SPECC1L: variants seen among roughly 807,000 people sequenced by gnomAD.
The protein encoded by SPECC1L is sperm antigen with calponin homology and coiled-coil domains 1 like.
SPECC1L carries 40 observed loss-of-function variants against 116.8 expected under a neutral mutation model. The ratio of observed to expected loss-of-function variants is 0.34; its 90% confidence interval spans 0.27 to 0.45. The LOEUF (loss-of-function observed/expected upper bound fraction) is 0.45. Among genes scored for constraint, SPECC1L ranks in the 20% least tolerant of loss-of-function variants. The probability of loss-of-function intolerance (pLI) is 1.00; values close to 1 mark genes in which losing one functional copy is unlikely to be tolerated. For missense variants in SPECC1L, 1,110 were observed against 1,373.6 expected, an observed-to-expected ratio of 0.81 and a Z score of 3.03; for synonymous variants, 504 against 500.6, an observed-to-expected ratio of 1.01 and a Z score of -0.09.
chr22:24,322,862 G>A lies in SPECC1L; in HGVS notation c.1882G>A (p.Glu628Lys). Reference sequence around the variant, plus strand: ...AGAGACTTTGGCTAGTAGCTTGCAGGAAGATCTGGCTCATACCCGAAATGA... The same window carrying A: ...AGAGACTTTGGCTAGTAGCTTGCAGAAAGATCTGGCTCATACCCGAAATGA... ...KAETLASSLQ[E>K]DLAHTRNDAN... is the part of the protein sequence containing the mutation. The change falls in exon 5 of 17, where the codon GAA becomes AAA. Residue 628 changes from glutamate to lysine, a missense_variant. Physicochemically the swap from Glu to Lys is moderately conservative, Grantham distance 56. Around this residue, in one of 4 missense-constraint regions of SPECC1L, gnomAD observed 575 missense variants for 682.4 expected, o/e 0.84. Coordinates refer to ENST00000314328, the MANE Select transcript of SPECC1L (RefSeq NM_015330.6). The A allele has an allele frequency of 6.2e-7, 1 of 1,613,604 alleles. No homozygotes were observed. Among genetic ancestry groups the A allele is most frequent in the Non-Finnish European group, 8.5e-7 (1 of 1,179,756 alleles).
At chr22:24,302,162 T>G in intron 2 of SPECC1L, 33 bp from the exon 3 acceptor site, 1 of 1,506,092 alleles carries the variant, frequency 6.6e-7, no homozygotes, top group Non-Finnish European at 9.2e-7. Context: ...CTTCCAGTTA[T>G]GTTCTCAGTG....
chr22:24,355,956 C>A (rs1349393541), intron 11 of SPECC1L, among the ~76,000 whole-genome samples: 1 of 152,096 alleles, frequency 6.6e-6, no homozygotes, highest in Non-Finnish European at 1.5e-5. Flanking sequence ...TCCATCACCC[C>A]CAAAATTCCT....
chr22:24,385,062 CAA>C (rs36080329), intron 14 of SPECC1L, among the ~76,000 whole-genome samples: 5 of 78,020 alleles, frequency 6.4e-5, no homozygotes, highest in Admixed American at 1.4e-4. Flanking sequence ...AACTCCGTCT[CAA>C]AAAAAAAAAA....
At chr22:24,295,130 T>C (rs1199379900) in intron 2 of SPECC1L, among the ~76,000 whole-genome samples, 1 of 151,016 alleles carries the variant, frequency 6.6e-6, no homozygotes, top group Non-Finnish European at 1.5e-5. Context: ...CTGTGAACCC[T>C]GTCCTGAGGA....
chr22:24,292,961 A>G (rs986779881), intron 2 of SPECC1L, among the ~76,000 whole-genome samples: 2 of 152,272 alleles, frequency 1.3e-5, no homozygotes, highest in African/African-American at 4.8e-5. Context: ...TTTAGAATAC[A>G]GATTACACAG....
chr22:24,321,488 A>G lies in SPECC1L; in HGVS notation c.508A>G (p.Lys170Glu), dbSNP rs200634676. 36 of 1,614,146 alleles carry G rather than the reference A, an allele frequency of 2.2e-5. No individual in the cohort carries two copies. Among genetic ancestry groups the G allele is most frequent in the Non-Finnish European group, 2.9e-5 (34 of 1,180,044 alleles). The change falls in exon 5 of 17, where the codon AAG becomes GAG. Residue 170 changes from lysine (K) to glutamate (E), a missense_variant. Physicochemically the swap from Lys to Glu is moderately conservative, Grantham distance 56. Transcript: ENST00000314328. ...TECDVRMSKS[K>E]SDNQISDRAA... ...ATGTGACGTTCGTATGAGCAAGTCTAAGTCAGACAATCAGATCAGTGACAG... is the reference window on the plus strand; with the variant it reads ...ATGTGACGTTCGTATGAGCAAGTCTGAGTCAGACAATCAGATCAGTGACAG...
At chr22:24,407,462 C>T (rs1003584846) in intron 14 of SPECC1L, among the ~76,000 whole-genome samples, 5 of 152,146 alleles carry the variant, frequency 3.3e-5, no homozygotes, top group African/African-American at 7.2e-5. Flanking sequence ...GCCTCTGCCT[C>T]GAGGCGCTGT....
intron 4 of SPECC1L, among the ~76,000 whole-genome samples, chr22:24,313,679 C>T (rs1341774552): frequency 6.6e-6 from 1 of 151,914 alleles, no homozygotes; most frequent in Non-Finnish European, 1.5e-5. Context: ...TATTTTGAAG[C>T]AGATTCTGGA....
At chr22:24,348,726 C>T (rs1249173894) in intron 11 of SPECC1L, among the ~76,000 whole-genome samples, 1 of 152,230 alleles carries the variant, frequency 6.6e-6, no homozygotes, top group East Asian at 1.9e-4. Flanking sequence ...GCACAGAGAT[C>T]TTGGCCTTGC....
intron 9 of SPECC1L, among the ~76,000 whole-genome samples, chr22:24,336,096 A>G (rs899193859): frequency 5.9e-5 from 9 of 152,108 alleles, no homozygotes; most frequent in African/African-American, 2.2e-4. Flanking sequence ...GTTATGACCA[A>G]TTAATACAGT....
chr22:24,277,372 T>G (rs1003562918), intron 2 of SPECC1L, among the ~76,000 whole-genome samples: 3 of 152,248 alleles, frequency 2.0e-5, no homozygotes, highest in African/African-American at 7.2e-5. Flanking sequence ...ATCACAGGTT[T>G]ATGGAGATAT....
At chr22:24,288,272 C>T (rs1389834194) in intron 2 of SPECC1L, among the ~76,000 whole-genome samples, 16 of 152,106 alleles carry the variant, frequency 1.1e-4, no homozygotes. Flanking sequence ...TCGTGGGGGG[C>T]TGTCCAGTGT....
Position 24,416,813 on chromosome 22 carries a change from C to T in SPECC1L, c.*2190C>T, listed in dbSNP as rs1228203244. ...ATCTGTGTTTTCCCTCTGGGAGTCT[C>T]ATGGGTCCAGCATCAGGCCTGAGGT... On this transcript the variant is annotated 3_prime_UTR_variant, in exon 17 of 17. Transcript: ENST00000314328. 3 of 152,292 alleles carry T rather than the reference C, an allele frequency of 2.0e-5. No individual in the cohort carries two copies. Among genetic ancestry groups the T allele is most frequent in the Admixed American group, 6.5e-5 (1 of 15,284 alleles). The allele number at this position is 152,292 out of a possible 1,614,324, so 9.4% of individuals were successfully genotyped here. A position where few individuals can be genotyped will look rare whatever the true frequency, so the allele number is the denominator to read the frequency against.
intron 14 of SPECC1L, among the ~76,000 whole-genome samples, chr22:24,377,185 A>G (rs1361983134): frequency 6.6e-6 from 1 of 152,162 alleles, no homozygotes; most frequent in Non-Finnish European, 1.5e-5. Flanking sequence ...CTAGTACCTC[A>G]TTCCTTTTTA....
intron 14 of SPECC1L, among the ~76,000 whole-genome samples, chr22:24,407,337 G>A: frequency 6.6e-6 from 1 of 152,256 alleles, no homozygotes. Context: ...GGAGGTTCCA[G>A]GTGGGGCGGG....
In SPECC1L at chr22:24,322,480, G is replaced by T; in HGVS notation, c.1500G>T (p.Glu500Asp). ...AGCAACGTTACATGGACCTCGCTGA[G>T]AATGCCCGTTTTGAACGGGAGCAGC... ...ELEQRYMDLA[E>D]NARFEREQLL... The change falls in exon 5 of 17, where the codon GAG (glutamate) becomes GAT (aspartate). Residue 500 changes from glutamate to aspartate, a missense_variant. Glu to Asp is a conservative substitution (Grantham distance 45). Transcript: ENST00000314328. The T allele has an allele frequency of 6.2e-7, 1 of 1,614,184 alleles. No individual in the cohort carries two copies. Among genetic ancestry groups the T allele is most frequent in the South Asian group, 1.1e-5 (1 of 91,060 alleles).
At chr22:24,271,711 T>G (rs1469463027) in intron 1 of SPECC1L, among the ~76,000 whole-genome samples, 1 of 152,248 alleles carries the variant, frequency 6.6e-6, no homozygotes, top group Non-Finnish European at 1.5e-5. Context: ...TTAGCCCATT[T>G]ACAGAACACG....
In SPECC1L at chr22:24,406,691, T is replaced by C. The variant is rs574950763; in HGVS notation, c.3088-4897T>C. Among the ~76,000 whole-genome samples the C allele has an allele frequency of 3.3e-5, 5 of 152,288 alleles. No individual in the cohort carries two copies. The South Asian group carries it at 8.3e-4, about 25-fold the overall frequency. On this transcript the variant is annotated intron_variant, in intron 14 of 16. Coordinates refer to ENST00000314328, the MANE Select transcript of SPECC1L (RefSeq NM_015330.6). ...AGAAGCCATTTCTCTGGTGATTCCA[T>C]GCGATTTTGTGTCGTTTCATGTGTT...
In SPECC1L at chr22:24,414,688, G is replaced by A. The variant is rs532805863; in HGVS notation, c.*65G>A. 1.5e-5 allele frequency: 21 copies of A among 1,415,964 alleles called. No individual in the cohort carries two copies. The East Asian group carries it at 3.2e-4, about 22-fold the overall frequency. The allele number at this position is 1,415,964 out of a possible 1,614,324, so 87.7% of individuals were successfully genotyped here. A position where few individuals can be genotyped will look rare whatever the true frequency, so the allele number is the denominator to read the frequency against. The stretch of plus-strand genomic sequence containing the variant: ...TCCACAGCGACCGAGCGACACCGAC[G>A]CCATTAGCTACGCACCCCTGTAAAG... On this transcript the variant is annotated 3_prime_UTR_variant, in exon 17 of 17. Coordinates refer to ENST00000314328, the MANE Select transcript of SPECC1L (RefSeq NM_015330.6).
Sources: allele counts gnomAD v4.1 joint callset (sites outside exome capture counted in the v4.1 genomes callset), GRCh38; gene constraint gnomAD v4.1.1; regional missense constraint gnomAD v4.1.1; transcripts MANE v1.5; gene names NCBI Gene and HGNC (gene_info 2026-07-23, HGNC 2026-07-21).